Variants in SPOCK3 observed in about 807,000 individuals in gnomAD.
The protein encoded by SPOCK3 is testican-3.
Under a neutral mutation model 56.6 loss-of-function variants are expected in SPOCK3, and 30 were observed. The observed-to-expected ratio is 0.53, with a 90% CI of 0.40 to 0.72. The LOEUF (loss-of-function observed/expected upper bound fraction) is 0.72. Ranked by LOEUF, SPOCK3 falls within the 30% of genes least tolerant of loss-of-function variation. The pLI is 0.00. For missense variants in SPOCK3, 527 were observed against 530.0 expected (o/e 0.99, Z 0.06); for synonymous variants, 196 against 183.3 (o/e 1.07, Z -0.56).
chr4:167,043,938 A>C (rs1014448129), intron 3 of SPOCK3, among the ~76,000 whole-genome samples: 3 of 152,000 alleles, frequency 2.0e-5, no homozygotes, highest in Non-Finnish European at 4.4e-5. Context: ...TTTTGATATT[A>C]GCATGATGGT....
At chr4:167,216,130 T>C (rs1216142187) in intron 2 of SPOCK3, among the ~76,000 whole-genome samples, 1 of 152,132 alleles carries the variant, frequency 6.6e-6, no homozygotes, top group Non-Finnish European at 1.5e-5. Flanking sequence ...TCCAAGTATA[T>C]GTTACAATAT....
At chr4:166,930,073 T>A (rs765615984) in intron 4 of SPOCK3, among the ~76,000 whole-genome samples, 14 of 152,174 alleles carry the variant, frequency 9.2e-5, no homozygotes, top group Non-Finnish European at 1.6e-4. Flanking sequence ...CTTTTAGCTC[T>A]CTGACTCCTT....
intron 2 of SPOCK3, among the ~76,000 whole-genome samples, chr4:167,125,412 TA>T (rs34256017): frequency 0.031 from 4,345 of 138,672 alleles, 78 homozygotes; most frequent in Non-Finnish European, 0.05. Flanking sequence ...AAACGGTGCT[TA>T]AAAAAAAAAA....
intron 6 of SPOCK3, among the ~76,000 whole-genome samples, chr4:166,849,367 A>G (rs1748438680): frequency 6.6e-6 from 1 of 152,064 alleles, no homozygotes. Context: ...ACTATAGTGG[A>G]TTGTCTTATT....
intron 2 of SPOCK3, among the ~76,000 whole-genome samples, chr4:167,112,481 T>C (rs902497191): frequency 3.3e-5 from 5 of 152,128 alleles, no homozygotes; most frequent in African/African-American, 1.2e-4. Flanking sequence ...GGGTTCACTC[T>C]TTTCCTAAGT....
chr4:167,097,344 T>C (rs1759247637), intron 2 of SPOCK3, among the ~76,000 whole-genome samples: 2 of 151,846 alleles, frequency 1.3e-5, no homozygotes, highest in African/African-American at 4.8e-5. Flanking sequence ...TGTCTTGGTA[T>C]ATCAGTAAAT....
chr4:166,918,589 A>G (rs1738147003), intron 4 of SPOCK3: 1 of 152,226 alleles, frequency 6.6e-6, no homozygotes, highest in African/African-American at 2.4e-5. Context: ...TGCAATATGA[A>G]TAACAACCTG....
intron 6 of SPOCK3, among the ~76,000 whole-genome samples, chr4:166,807,479 G>A (rs1234590218): frequency 6.6e-6 from 1 of 152,088 alleles, no homozygotes; most frequent in Non-Finnish European, 1.5e-5. Flanking sequence ...TGCATGTTGT[G>A]TTGTTGTTTG....
chr4:166,826,646 TA>T (rs1307334130), intron 6 of SPOCK3, among the ~76,000 whole-genome samples: 2 of 152,108 alleles, frequency 1.3e-5, no homozygotes, highest in African/African-American at 4.8e-5. Context: ...AGTCAATAAA[TA>T]AAATTTTTTT....
chr4:166,751,709 C>T (rs570500243), intron 8 of SPOCK3, among the ~76,000 whole-genome samples: 1 of 152,200 alleles, frequency 6.6e-6, no homozygotes, highest in African/African-American at 2.4e-5. Flanking sequence ...TTATCTTACA[C>T]AACAGCGTTT....
chr4:166,735,913 A>T, intron 10 of SPOCK3, among the ~76,000 whole-genome samples: 1 of 145,714 alleles, frequency 6.9e-6, no homozygotes, highest in Middle Eastern at 3.5e-3. Context: ...GAAAACTAAT[A>T]TTTTACAAAA....
chr4:166,881,606 A>G (rs1325359354), intron 6 of SPOCK3, among the ~76,000 whole-genome samples: 1 of 152,094 alleles, frequency 6.6e-6, no homozygotes, highest in African/African-American at 2.4e-5. Flanking sequence ...TGAAATATCA[A>G]ATCAACAATT....
intron 2 of SPOCK3, among the ~76,000 whole-genome samples, chr4:167,097,450 T>C (rs1435219575): frequency 6.6e-6 from 1 of 152,006 alleles, no homozygotes; most frequent in African/African-American, 2.4e-5. Context: ...ACATTGCTTT[T>C]CACTGTAATC....
Position 167,077,883 on chromosome 4 carries a change from A to G in SPOCK3, c.190-15346T>C, listed in dbSNP as rs542299230. Among the ~76,000 whole-genome samples, 19 of 152,020 alleles carry G rather than the reference A, an allele frequency of 1.2e-4. No homozygotes were observed. In the South Asian group the frequency reaches 3.7e-3, roughly 30 times the overall value. ...GAAGGAAAGAAGGAAGAAAAGAAAA[A>G]GGAGGCAACATGGAGAGGAAACGTG... is the stretch of plus-strand genomic sequence containing the variant. On this transcript the variant is annotated intron_variant, in intron 2 of 10. Transcript: ENST00000357545.
At chr4:166,847,975 A>G (rs1423302365) in intron 6 of SPOCK3, among the ~76,000 whole-genome samples, 2 of 152,116 alleles carry the variant, frequency 1.3e-5, no homozygotes, top group Non-Finnish European at 2.9e-5. Flanking sequence ...AATCAAAGCT[A>G]GAAACCATCT....
intron 2 of SPOCK3, among the ~76,000 whole-genome samples, chr4:167,074,243 A>T (rs1756964902): frequency 6.6e-6 from 1 of 151,950 alleles, no homozygotes; most frequent in Admixed American, 6.6e-5. Context: ...AAAATAAATT[A>T]TGCCAAAATT....
chr4:167,168,495 T>C (rs905918827), intron 2 of SPOCK3, among the ~76,000 whole-genome samples: 1 of 152,092 alleles, frequency 6.6e-6, no homozygotes, highest in African/African-American at 2.4e-5. Flanking sequence ...GAGGAACTTT[T>C]TGGGAACTAG....
chr4:166,879,649 C>A (rs977247880), intron 6 of SPOCK3, among the ~76,000 whole-genome samples: 2 of 152,150 alleles, frequency 1.3e-5, no homozygotes, highest in African/African-American at 2.4e-5. Flanking sequence ...GTACTGTGTT[C>A]TTTGAACTCC....
At chr4:166,955,023 C>T (rs1046647379) in intron 4 of SPOCK3, among the ~76,000 whole-genome samples, 1 of 152,122 alleles carries the variant, frequency 6.6e-6, no homozygotes, top group African/African-American at 2.4e-5. Flanking sequence ...TATATGTTCA[C>T]AGAAATCCTT....
Sources: allele counts gnomAD v4.1 joint callset (sites outside exome capture counted in the v4.1 genomes callset), GRCh38; gene constraint gnomAD v4.1.1; transcripts MANE v1.5; gene names NCBI Gene and HGNC (gene_info 2026-07-23, HGNC 2026-07-21).